The following UBR1 variants were observed in gnomAD, a reference collection of about 807,000 sequenced individuals.
UBR1 encodes ubiquitin protein ligase E3 component n-recognin 1, also known as E3 ubiquitin-protein ligase UBR1.
Under a neutral mutation model 242.1 loss-of-function variants are expected in UBR1, and 102 were observed. The observed-to-expected ratio is 0.42, with a 90% CI of 0.36 to 0.50. UBR1 has a LOEUF of 0.50. UBR1 is among the 20% of genes least tolerant of loss of function. The probability of loss-of-function intolerance (pLI) is 0.01; values close to 1 mark genes in which losing one functional copy is unlikely to be tolerated. For missense variants in UBR1, 1,772 were observed against 2,101.8 expected, an observed-to-expected ratio of 0.84 and a Z score of 3.07; for synonymous variants, 675 against 684.8, an observed-to-expected ratio of 0.99 and a Z score of 0.22.
chr15:42,975,443 GT>G (rs34580188), intron 39 of UBR1, among the ~76,000 whole-genome samples: 1 of 151,414 alleles, frequency 6.6e-6, no homozygotes, highest in South Asian at 2.1e-4. Context: ...AATTGTTTCT[GT>G]TTTTTTTGAT....
At chr15:43,069,640 C>T (rs960210901) in intron 5 of UBR1, among the ~76,000 whole-genome samples, 14 of 152,184 alleles carry the variant, frequency 9.2e-5, no homozygotes, top group Non-Finnish European at 7.4e-5. Context: ...CCTCAAAACT[C>T]TGAGGGGCAT....
intron 39 of UBR1, among the ~76,000 whole-genome samples, chr15:42,975,860 C>T (rs895767293): frequency 5.9e-5 from 9 of 151,958 alleles, no homozygotes; most frequent in Non-Finnish European, 1.0e-4. Context: ...ACTACAGGCA[C>T]GCAGCAGCAT....
intron 6 of UBR1, among the ~76,000 whole-genome samples, chr15:43,065,522 C>T (rs1015202802): frequency 6.6e-6 from 1 of 152,116 alleles, no homozygotes; most frequent in East Asian, 1.9e-4. Context: ...CCCACACCCC[C>T]GACAGGCCCC....
intron 27 of UBR1, among the ~76,000 whole-genome samples, chr15:43,018,919 T>C (rs2033065954): frequency 6.6e-6 from 1 of 152,230 alleles, no homozygotes; most frequent in African/African-American, 2.4e-5. Context: ...GGGATATGAA[T>C]GCTGAACTAA....
intron 12 of UBR1, among the ~76,000 whole-genome samples, chr15:43,051,101 T>A (rs2033549938): frequency 6.6e-6 from 1 of 152,208 alleles, no homozygotes; most frequent in African/African-American, 2.4e-5. Context: ...ATATAAATTG[T>A]TCTATTATAA....
At chr15:43,060,170 G>A in intron 6 of UBR1, 56 bp from the exon 7 acceptor site, 1 of 1,517,190 alleles carries the variant, frequency 6.6e-7, no homozygotes, top group Non-Finnish European at 9.2e-7. Context: ...CAATCAATAA[G>A]CAATATGTAG....
chr15:43,059,413 CAT>C lies in UBR1; in HGVS notation c.986-223_986-222del, dbSNP rs2033655828. Among the ~76,000 whole-genome samples the C allele has an allele frequency of 2.0e-5, 3 of 151,990 alleles. No homozygotes were observed. The South Asian group carries it at 6.2e-4, about 32-fold the overall frequency. On this transcript the variant is annotated intron_variant, in intron 8 of 46. Coordinates refer to ENST00000290650, the MANE Select transcript of UBR1 (RefSeq NM_174916.3). The stretch of plus-strand genomic sequence containing the variant: ...TCTCCTAAAAGTACATTTCCTATAA[CAT>C]GTGAAAAGAATAATATTAATCCTCC...
chr15:42,976,977 G>T (rs764485648), intron 38 of UBR1, 110 bp from the exon 39 acceptor site: 22 of 1,214,556 alleles, frequency 1.8e-5, no homozygotes, highest in East Asian at 2.6e-5. Context: ...TTGTGTGTGT[G>T]TTTTTTAATA....
chr15:43,089,805 C>T (rs2034086670), intron 1 of UBR1, among the ~76,000 whole-genome samples: 1 of 152,062 alleles, frequency 6.6e-6, no homozygotes, highest in Non-Finnish European at 1.5e-5. Flanking sequence ...ATCATACAAA[C>T]CCAAAATGAG....
At position 43,059,826 on chromosome 15, in the gene UBR1, C is replaced by T; in HGVS notation, c.862-1G>A. ...GTTGAGAGACATTTTCTGAATGACT[C>T]TACAAATGAAGGGAACGAACCAAAA... On this transcript the variant is annotated splice_acceptor_variant, in intron 7 of 46. Transcript: ENST00000290650. LOFTEE classifies it high-confidence loss of function. The T allele has an allele frequency of 1.2e-6, 2 of 1,613,874 alleles. No individual in the cohort carries two copies. The highest frequency in any genetic ancestry group is 1.7e-6 in the Non-Finnish European group (2 of 1,179,906).
At chr15:43,086,420 A>T (rs551946947) in intron 1 of UBR1, among the ~76,000 whole-genome samples, 180 bp from the exon 2 acceptor site, 1 of 150,468 alleles carries the variant, frequency 6.6e-6, no homozygotes, top group South Asian at 2.1e-4. Context: ...GCAACTGCTC[A>T]CATACCACCA....
intron 37 of UBR1, among the ~76,000 whole-genome samples, chr15:42,983,495 T>TAA (rs950165728): frequency 1.4e-5 from 2 of 141,804 alleles, no homozygotes; most frequent in African/African-American, 5.2e-5. Flanking sequence ...CCATCTCTGC[T>TAA]AAAAAAAAAA....
At chr15:43,047,771 C>A (rs1268876812) in intron 13 of UBR1, among the ~76,000 whole-genome samples, 1 of 152,158 alleles carries the variant, frequency 6.6e-6, no homozygotes, top group Non-Finnish European at 1.5e-5. Context: ...GTGCTTGCTG[C>A]ACATGCAAGT....
At chr15:43,017,039 A>T (rs1231761172) in intron 28 of UBR1, 56 bp downstream of exon 28, 1 of 1,415,894 alleles carries the variant, frequency 7.1e-7, no homozygotes, top group Non-Finnish European at 1.0e-6. Flanking sequence ...ATACCAGTAA[A>T]GTTCAAAGAC....
At chr15:42,998,363 A>G (rs1475218548) in intron 32 of UBR1, 98 bp from the exon 33 acceptor site, 2 of 1,088,022 alleles carry the variant, frequency 1.8e-6, no homozygotes, top group Non-Finnish European at 2.7e-6. Flanking sequence ...GTCATATAAA[A>G]AAGTTGAGTT....
chr15:42,951,100 T>C (rs889000306), intron 45 of UBR1, among the ~76,000 whole-genome samples: 4 of 152,268 alleles, frequency 2.6e-5, no homozygotes, highest in Middle Eastern at 3.4e-3. Flanking sequence ...TAGAAAGACA[T>C]TTGGCTTTAT....
chr15:43,089,173 A>G (rs1256429448), intron 1 of UBR1, among the ~76,000 whole-genome samples: 1 of 149,050 alleles, frequency 6.7e-6, no homozygotes, highest in Non-Finnish European at 1.5e-5. Context: ...AAAAAAAAAA[A>G]ACTACATGAG....
chr15:42,970,730 T>C, intron 39 of UBR1, 123 bp from the exon 40 acceptor site: 2 of 930,404 alleles, frequency 2.1e-6, no homozygotes, highest in East Asian at 2.7e-5. Flanking sequence ...TCTTTCCTTT[T>C]TTTTTTTTTG....
At chr15:43,025,453 T>G in intron 23 of UBR1, 24 bp from the exon 24 acceptor site, 3 of 1,556,070 alleles carry the variant, frequency 1.9e-6, no homozygotes, top group Non-Finnish European at 2.6e-6. Context: ...TATCATTAAA[T>G]ATACTGCTTT....
Sources: allele counts gnomAD v4.1 joint callset (sites outside exome capture counted in the v4.1 genomes callset), GRCh38; gene constraint gnomAD v4.1.1; transcripts MANE v1.5; gene names NCBI Gene and HGNC (gene_info 2026-07-23, HGNC 2026-07-21).